The following PDE4D variants were observed in gnomAD, a reference collection of about 807,000 sequenced individuals.
The protein encoded by PDE4D is phosphodiesterase 4D.
A neutral mutation model predicts 87.4 loss-of-function variants in PDE4D; 24 were observed. That is an observed-to-expected ratio of 0.27 (90% CI 0.20 to 0.39). The LOEUF (loss-of-function observed/expected upper bound fraction) is 0.39. PDE4D is among the 10% of genes least tolerant of loss of function. The probability of loss-of-function intolerance (pLI) is 1.00; values close to 1 mark genes in which losing one functional copy is unlikely to be tolerated. For synonymous variants in PDE4D, 384 were observed against 383.2 expected (o/e 1.00, Z -0.02); for missense variants, 714 against 1,041.0 (o/e 0.69, Z 4.32).
intron 1 of PDE4D, among the ~76,000 whole-genome samples, chr5:60,266,943 G>A (rs1233264751): frequency 1.3e-5 from 2 of 152,196 alleles, no homozygotes; most frequent in Non-Finnish European, 2.9e-5. Flanking sequence ...AAAAGTGCAC[G>A]TGTATTATCC....
chr5:60,424,477 C>T (rs1444774526), intron 1 of PDE4D, among the ~76,000 whole-genome samples: 5 of 152,244 alleles, frequency 3.3e-5, no homozygotes, highest in East Asian at 3.9e-4. Flanking sequence ...CAACAAAATT[C>T]GATAGCCCTT....
intron 2 of PDE4D, among the ~76,000 whole-genome samples, chr5:60,084,554 A>G (rs1431138051): frequency 6.6e-6 from 1 of 152,242 alleles, no homozygotes; most frequent in Non-Finnish European, 1.5e-5. Context: ...CAATTTGAAG[A>G]TATTCAGTGA....
At chr5:59,443,546 G>A (rs1279503665) in intron 1 of PDE4D, among the ~76,000 whole-genome samples, 3 of 152,186 alleles carry the variant, frequency 2.0e-5, no homozygotes, top group Non-Finnish European at 4.4e-5. Flanking sequence ...TATGGAGACA[G>A]AAAAGGCCGG....
At chr5:59,387,186 A>G (rs1209379034) in intron 1 of PDE4D, among the ~76,000 whole-genome samples, 5 of 152,188 alleles carry the variant, frequency 3.3e-5, no homozygotes, top group Non-Finnish European at 7.3e-5. Flanking sequence ...CAAAAAGTTA[A>G]CTATTTAATA....
At chr5:60,098,647 A>G (rs2548658) in intron 2 of PDE4D, among the ~76,000 whole-genome samples, 44,855 of 151,892 alleles carry the variant, frequency 0.3, 7,394 homozygotes, top group East Asian at 0.74. Context: ...ACGTTGCTGA[A>G]TTTATTAATT....
At chr5:59,140,402 G>A (rs1239418088) in intron 5 of PDE4D, among the ~76,000 whole-genome samples, 1 of 152,222 alleles carries the variant, frequency 6.6e-6, no homozygotes, top group East Asian at 1.9e-4. Context: ...GAACACAAGA[G>A]TGAGAAGGGC....
chr5:60,137,635 G>C (rs1780168112), intron 2 of PDE4D, among the ~76,000 whole-genome samples: 1 of 151,836 alleles, frequency 6.6e-6, no homozygotes, highest in South Asian at 2.1e-4. Context: ...TTTTAATGGG[G>C]TTGTATTTTT....
At position 60,180,963 on chromosome 5, in the gene PDE4D, T is replaced by G. The variant is rs370981768; in HGVS notation, c.42+4594A>C. On this transcript the variant is annotated intron_variant, in intron 2 of 16. Coordinates refer to the PDE4D transcript ENST00000502484. Reference sequence around the variant, plus strand: ...GTCAATCTCGTAGCTTAGGTGGGGTTGAATATAGTAGAGAATTGAAGCCCA... The same window carrying G: ...GTCAATCTCGTAGCTTAGGTGGGGTGGAATATAGTAGAGAATTGAAGCCCA... Among the ~76,000 whole-genome samples, 4 of 152,152 alleles carry G rather than the reference T, an allele frequency of 2.6e-5. No individual in the cohort carries two copies. The East Asian group carries it at 7.7e-4, about 29-fold the overall frequency.
intron 1 of PDE4D, among the ~76,000 whole-genome samples, chr5:60,362,855 C>CAT (rs1321722890): frequency 6.9e-6 from 1 of 145,348 alleles, no homozygotes; most frequent in Non-Finnish European, 1.5e-5. Context: ...AACAAGACTC[C>CAT]ATCTCAAGAA....
chr5:60,029,598 G>T (rs1767001637), intron 2 of PDE4D, among the ~76,000 whole-genome samples: 1 of 152,112 alleles, frequency 6.6e-6, no homozygotes, highest in Admixed American at 6.5e-5. Flanking sequence ...AGGCTGTTAG[G>T]GGTGCACATC....
At chr5:59,269,398 T>C (rs1488232385) in intron 1 of PDE4D, among the ~76,000 whole-genome samples, 1 of 152,158 alleles carries the variant, frequency 6.6e-6, no homozygotes, top group Non-Finnish European at 1.5e-5. Context: ...TTAACTATTA[T>C]AGTGATAACT....
At chr5:59,227,431 A>C (rs570880545) in intron 1 of PDE4D, among the ~76,000 whole-genome samples, 1 of 151,028 alleles carries the variant, frequency 6.6e-6, no homozygotes, top group Admixed American at 6.6e-5. Context: ...GGAAAAAAAA[A>C]CACAACTATT....
chr5:59,475,317 T>A (rs984449346), intron 1 of PDE4D, among the ~76,000 whole-genome samples: 1 of 152,062 alleles, frequency 6.6e-6, no homozygotes, highest in African/African-American at 2.4e-5. Context: ...TTTATTCAGA[T>A]TCTCAAAGGG....
intron 5 of PDE4D, among the ~76,000 whole-genome samples, chr5:59,101,385 C>A (rs1466482173): frequency 6.6e-6 from 1 of 152,016 alleles, no homozygotes; most frequent in Non-Finnish European, 1.5e-5. Flanking sequence ...GGAGGGGTAG[C>A]TTTTAATAAG....
chr5:59,743,532 C>T (rs1008875044), intron 1 of PDE4D, among the ~76,000 whole-genome samples: 1 of 152,028 alleles, frequency 6.6e-6, no homozygotes, highest in Non-Finnish European at 1.5e-5. Context: ...CACACACACA[C>T]GTAAGTGTTG....
intron 5 of PDE4D, among the ~76,000 whole-genome samples, chr5:59,081,856 C>T (rs1766833779): frequency 6.6e-6 from 1 of 152,104 alleles, no homozygotes; most frequent in African/African-American, 2.4e-5. Flanking sequence ...TTGTAATCCC[C>T]ATAATCCCCA....
chr5:60,286,693 T>A (rs1237876123), intron 1 of PDE4D, among the ~76,000 whole-genome samples: 1 of 152,216 alleles, frequency 6.6e-6, no homozygotes, highest in Non-Finnish European at 1.5e-5. Context: ...TAAAAGGTAA[T>A]TCAGTTTACA....
intron 1 of PDE4D, among the ~76,000 whole-genome samples, chr5:60,486,283 C>A (rs909217922): frequency 2.0e-5 from 3 of 152,138 alleles, no homozygotes; most frequent in Non-Finnish European, 2.9e-5. Flanking sequence ...AATGAGCCAA[C>A]CATTACTATT....
At chr5:60,147,840 T>A (rs1427568104) in intron 2 of PDE4D, 5 of 452,448 alleles carry the variant, frequency 1.1e-5, no homozygotes, top group Non-Finnish European at 1.8e-5. Context: ...TGCTTGAGTG[T>A]CTTTGTGAGT....
Sources: gnomAD v4.1 joint callset for allele counts (sites outside exome capture counted in the v4.1 genomes callset) on GRCh38, gnomAD v4.1.1 for gene constraint, MANE v1.5 for transcripts, NCBI Gene and HGNC (gene_info 2026-07-23, HGNC 2026-07-21) for gene names.